Variants in GRIA2 observed in about 807,000 individuals in gnomAD.
GRIA2 encodes the protein glutamate receptor 2.
GRIA2 carries 14 observed loss-of-function variants against 97.3 expected under a neutral mutation model. That is an observed-to-expected ratio of 0.14 (90% CI 0.10 to 0.23). GRIA2 has a LOEUF of 0.23. GRIA2 is among the 10% of genes least tolerant of loss of function. GRIA2 has a pLI of 1.00. For synonymous variants in GRIA2, 412 were observed against 387.8 expected (o/e 1.06, Z -0.73); for missense variants, 558 against 1,069.8 (o/e 0.52, Z 6.67).
In GRIA2 at chr4:157,221,464, C is replaced by G. The variant is rs1729489192; in HGVS notation, c.89-203C>G. On this transcript the variant is annotated intron_variant, in intron 1 of 15. Coordinates refer to ENST00000264426, the MANE Select transcript of GRIA2 (RefSeq NM_001083619.3). ...AAGGTGAAGGTTTCTGGCCGCCTAC[C>G]TCGCCTTCAGACTCTCATCTGGGTC... 5 of 592,024 alleles carry G rather than the reference C, an allele frequency of 8.4e-6. 1 individual carries two copies. Among genetic ancestry groups the G allele is most frequent in the Middle Eastern group, 9.0e-4 (2 of 2,230 alleles). 36.7% of individuals were successfully genotyped at this position (592,024 alleles called of 1,614,324 possible).
chr4:157,258,445 G>A (rs576826813), intron 2 of GRIA2, among the ~76,000 whole-genome samples: 6 of 152,130 alleles, frequency 3.9e-5, no homozygotes, highest in South Asian at 2.1e-4. Flanking sequence ...TTAGGACAAG[G>A]AAATTCCCAC....
intron 12 of GRIA2, 55 bp from the exon 13 acceptor site, chr4:157,359,841 A>T (rs1736557663): frequency 4.0e-6 from 6 of 1,514,810 alleles, no homozygotes; most frequent in Admixed American, 3.8e-5. Flanking sequence ...GTGTTTTGTG[A>T]GTAATTTTTT....
At chr4:157,329,864 G>A (rs140889475) in intron 6 of GRIA2, among the ~76,000 whole-genome samples, 90 of 151,990 alleles carry the variant, frequency 5.9e-4, no homozygotes, top group African/African-American at 2.0e-3. Context: ...GCAAAATTGT[G>A]ACAATCGAGG....
intron 2 of GRIA2, among the ~76,000 whole-genome samples, chr4:157,242,228 C>T (rs1730541515): frequency 6.6e-6 from 1 of 151,986 alleles, no homozygotes; most frequent in Non-Finnish European, 1.5e-5. Context: ...CAGGTTAAGG[C>T]TTCACCTATG....
At chr4:157,297,227 C>G (rs1733388062) in intron 2 of GRIA2, among the ~76,000 whole-genome samples, 1 of 151,958 alleles carries the variant, frequency 6.6e-6, no homozygotes, top group Non-Finnish European at 1.5e-5. Flanking sequence ...TATTTGGTGA[C>G]AATTCATATG....
At chr4:157,327,368 G>GGACACAT (rs1461704537) in intron 6 of GRIA2, among the ~76,000 whole-genome samples, 56 of 152,184 alleles carry the variant, frequency 3.7e-4, no homozygotes, top group African/African-American at 1.2e-3. Flanking sequence ...CTCTTATTGA[G>GGACACAT]CCCTGACAGA....
At chr4:157,354,900 C>T (rs1736179576) in intron 12 of GRIA2, among the ~76,000 whole-genome samples, 1 of 152,080 alleles carries the variant, frequency 6.6e-6, no homozygotes, top group Admixed American at 6.6e-5. Flanking sequence ...TAAGTCTTCC[C>T]CCCTGGGAAC....
At chr4:157,265,439 A>T (rs1203497569) in intron 2 of GRIA2, among the ~76,000 whole-genome samples, 3 of 152,134 alleles carry the variant, frequency 2.0e-5, no homozygotes, top group African/African-American at 4.8e-5. Flanking sequence ...GTAAGCTGGA[A>T]GCTTGCCATG....
intron 3 of GRIA2, among the ~76,000 whole-genome samples, chr4:157,304,524 G>A (rs1404309355): frequency 6.6e-6 from 1 of 152,078 alleles, no homozygotes; most frequent in Non-Finnish European, 1.5e-5. Flanking sequence ...CCATTCCCAG[G>A]TCCGTAATTG....
intron 2 of GRIA2, among the ~76,000 whole-genome samples, chr4:157,287,725 CT>C (rs1378364435): frequency 6.6e-6 from 1 of 151,354 alleles, no homozygotes; most frequent in African/African-American, 2.4e-5. Flanking sequence ...ATTTCATCCC[CT>C]TGCCAGCCGA....
At chr4:157,239,595 G>A (rs1730410800) in intron 2 of GRIA2, among the ~76,000 whole-genome samples, 1 of 151,786 alleles carries the variant, frequency 6.6e-6, no homozygotes, top group Non-Finnish European at 1.5e-5. Context: ...TAGAAAGATT[G>A]TCTTTCAACT....
chr4:157,297,317 C>T (rs1733391677), intron 2 of GRIA2, among the ~76,000 whole-genome samples: 1 of 152,112 alleles, frequency 6.6e-6, no homozygotes, highest in African/African-American at 2.4e-5. Flanking sequence ...AACACATAAG[C>T]ACTTGTCTTG....
chr4:157,310,269 T>A (rs1422701573), intron 3 of GRIA2, among the ~76,000 whole-genome samples: 1 of 152,166 alleles, frequency 6.6e-6, no homozygotes, highest in Non-Finnish European at 1.5e-5. Context: ...TTTTACATTA[T>A]CCCTTGAGAA....
intron 2 of GRIA2, among the ~76,000 whole-genome samples, chr4:157,226,771 C>T (rs1213959687): frequency 6.6e-6 from 1 of 152,074 alleles, no homozygotes; most frequent in Non-Finnish European, 1.5e-5. Context: ...GAGTTACTGA[C>T]TTTAATATAT....
intron 2 of GRIA2, among the ~76,000 whole-genome samples, chr4:157,274,357 T>A (rs1429450966): frequency 6.6e-6 from 1 of 151,972 alleles, no homozygotes; most frequent in African/African-American, 2.4e-5. Context: ...TACCTTTTAT[T>A]TCTTTTTTCT....
chr4:157,248,079 C>A (rs946352665), intron 2 of GRIA2, among the ~76,000 whole-genome samples: 4 of 151,292 alleles, frequency 2.6e-5, no homozygotes, highest in African/African-American at 9.7e-5. Context: ...ATAATCATAT[C>A]ATATCATATA....
At chr4:157,228,815 G>GAAAAAAAA (rs1729867373) in intron 2 of GRIA2, among the ~76,000 whole-genome samples, 1 of 140,920 alleles carries the variant, frequency 7.1e-6, no homozygotes. Flanking sequence ...AAAAAAGAAG[G>GAAAAAAAA]AAAAAAGAAT....
intron 6 of GRIA2, among the ~76,000 whole-genome samples, chr4:157,328,934 A>C (rs1054128593): frequency 6.6e-6 from 1 of 152,002 alleles, no homozygotes; most frequent in Non-Finnish European, 1.5e-5. Context: ...AAAATGTGAT[A>C]GAGCTTGTGT....
At chr4:157,341,632 G>C (rs1280524099) in intron 12 of GRIA2, among the ~76,000 whole-genome samples, 170 bp downstream of exon 12, 2 of 151,784 alleles carry the variant, frequency 1.3e-5, no homozygotes, top group African/African-American at 2.4e-5. Context: ...TGATACTTCG[G>C]TCCAGCTCTA....
Sources: allele counts gnomAD v4.1 joint callset (sites outside exome capture counted in the v4.1 genomes callset), GRCh38; gene constraint gnomAD v4.1.1; transcripts MANE v1.5; gene names NCBI Gene and HGNC (gene_info 2026-07-23, HGNC 2026-07-21).